The following SACM1L variants were observed in gnomAD, a reference collection of about 807,000 sequenced individuals.
SACM1L encodes SAC1 like phosphatidylinositide phosphatase.
In SACM1L, 32 loss-of-function variants were observed where a neutral mutation model predicts 89.5. The observed-to-expected ratio is 0.36, with a 90% CI of 0.27 to 0.48. SACM1L has a LOEUF of 0.48. SACM1L is among the 20% of genes least tolerant of loss of function. The pLI is 0.99. For missense variants in SACM1L, 543 were observed against 708.5 expected (o/e 0.77, Z 2.65); for synonymous variants, 213 against 232.8 (o/e 0.92, Z 0.77).
At chr3:45,711,505 G>T (rs1456791912) in intron 5 of SACM1L, among the ~76,000 whole-genome samples, 1 of 151,970 alleles carries the variant, frequency 6.6e-6, no homozygotes, top group Non-Finnish European at 1.5e-5. Flanking sequence ...GCACGCACCT[G>T]CAATCCCAGC....
chr3:45,742,475 T>C (rs955131633), intron 19 of SACM1L, among the ~76,000 whole-genome samples: 3 of 152,194 alleles, frequency 2.0e-5, no homozygotes, highest in Non-Finnish European at 2.9e-5. Context: ...TGGCTGTCAT[T>C]CCCTGTATGT....
chr3:45,690,984 G>A (rs933453730), intron 1 of SACM1L, among the ~76,000 whole-genome samples: 1 of 152,192 alleles, frequency 6.6e-6, no homozygotes, highest in Non-Finnish European at 1.5e-5. Flanking sequence ...AGATTGAATA[G>A]GATGGAGAAC....
chr3:45,705,875 A>G (rs1387656320), intron 3 of SACM1L, among the ~76,000 whole-genome samples: 1 of 152,228 alleles, frequency 6.6e-6, no homozygotes, highest in Non-Finnish European at 1.5e-5. Flanking sequence ...AATAGGACAT[A>G]GTGCATATTA....
intron 14 of SACM1L, among the ~76,000 whole-genome samples, chr3:45,735,814 T>G (rs1178861819): frequency 6.6e-6 from 1 of 152,238 alleles, no homozygotes; most frequent in Non-Finnish European, 1.5e-5. Context: ...ACACCAATAA[T>G]GAATCAGTAA....
rs1264139720 is a variant in SACM1L, at chr3:45,705,198, A to G, written c.194A>G (p.His65Arg). Residue 65 changes from histidine (H) to arginine (R), a missense_variant, in exon 3 of 20, where the codon CAT (histidine) becomes CGT (arginine). Around this residue, in one of 2 missense-constraint regions of SACM1L, gnomAD observed 173 missense variants for 180.9 expected, o/e 0.96. Transcript: ENST00000389061. ...ATATTTGGTATACTGGGCACAATCC[A>G]TCTGGTGGCAGGTAAGAGAAAATAA... The part of the protein sequence containing the change: ...RPIFGILGTI[H>R]LVAGNYLIVI... 6 of 1,606,840 alleles carry G rather than the reference A, an allele frequency of 3.7e-6. No homozygotes were observed. The African/African-American group carries it at 5.4e-5, about 14-fold the overall frequency.
intron 7 of SACM1L, among the ~76,000 whole-genome samples, chr3:45,715,773 CA>C (rs35433679): frequency 0.64 from 84,873 of 132,130 alleles, 25,597 homozygotes; most frequent in Middle Eastern, 0.68. Flanking sequence ...GACTCCATCT[CA>C]AAAAAAAAAA....
intron 19 of SACM1L, among the ~76,000 whole-genome samples, chr3:45,740,893 A>T (rs1364369397): frequency 6.6e-6 from 1 of 152,222 alleles, no homozygotes; most frequent in Non-Finnish European, 1.5e-5. Flanking sequence ...TTATCATTAC[A>T]TTTTAAAGGT....
intron 19 of SACM1L, among the ~76,000 whole-genome samples, chr3:45,741,893 G>A (rs1699324038): frequency 6.6e-6 from 1 of 152,154 alleles, no homozygotes; most frequent in African/African-American, 2.4e-5. Context: ...ATGACTGCAG[G>A]TTTTAGGGCA....
At chr3:45,732,014 G>C in intron 12 of SACM1L, 39 bp from the exon 13 acceptor site, 1 of 1,195,044 alleles carries the variant, frequency 8.4e-7, no homozygotes. Context: ...GAAAATGAAT[G>C]ATCTCTGGTC....
chr3:45,689,959 C>T (rs2742417), intron 1 of SACM1L: 80,069 of 167,192 alleles, frequency 0.48, 19,752 homozygotes, highest in Middle Eastern at 0.56. Context: ...TATCTGGGTA[C>T]CGAAGCCTGC....
At position 45,739,719 on chromosome 3, in the gene SACM1L, TCA is replaced by T. The variant is rs1699276204; in HGVS notation, c.1627+77_1627+78del. On this transcript the variant is annotated intron_variant, in intron 19 of 19. Coordinates refer to ENST00000389061, the MANE Select transcript of SACM1L (RefSeq NM_014016.5). ...TTTACAACATCTTAAGTTTTTGAGTTCACCGAACACTTGATGTTTCCCTATTA... is the reference window on the plus strand; with the variant it reads ...TTTACAACATCTTAAGTTTTTGAGTTCCGAACACTTGATGTTTCCCTATTA... 3 of 1,327,680 alleles carry T rather than the reference TCA, an allele frequency of 2.3e-6. No homozygotes were observed. In the Admixed American group the frequency reaches 5.1e-5, roughly 22 times the overall value. The allele number at this position is 1,327,680 out of a possible 1,614,324, so 82.2% of individuals were successfully genotyped here.
chr3:45,726,495 G>A (rs1319901162), intron 11 of SACM1L, among the ~76,000 whole-genome samples: 3 of 151,910 alleles, frequency 2.0e-5, no homozygotes, highest in African/African-American at 7.3e-5. Flanking sequence ...CTACTTGTTG[G>A]CATACAGTTG....
At position 45,722,955 on chromosome 3, in the gene SACM1L, C is replaced by T. The variant is rs1190943643; in HGVS notation, c.852C>T (p.His284=). The T allele has an allele frequency of 8.7e-6, 14 of 1,610,708 alleles. No individual in the cohort carries two copies. The highest frequency in any genetic ancestry group is 2.2e-5 in the South Asian group (2 of 90,844). The change falls in exon 10 of 20, where the codon CAC becomes CAT. Residue 284 remains histidine, a splice_region_variant and synonymous_variant. Transcript: ENST00000389061. ...CACAGATCAGCAAAGTAGCAAATCACGTGTGTATCTTGCATGCCTTTTTTG... is the reference window on the plus strand; with the variant it reads ...CACAGATCAGCAAAGTAGCAAATCATGTGTGTATCTTGCATGCCTTTTTTG... ...PLPQISKVAN[H]MDGFQRHFDS...
intron 3 of SACM1L, among the ~76,000 whole-genome samples, chr3:45,706,249 T>C (rs1698388814): frequency 6.6e-6 from 1 of 152,200 alleles, no homozygotes; most frequent in Non-Finnish European, 1.5e-5. Flanking sequence ...TTGTGCATGA[T>C]GTTGTGATGA....
intron 13 of SACM1L, among the ~76,000 whole-genome samples, chr3:45,732,669 T>G (rs1049684443): frequency 2.0e-5 from 3 of 152,244 alleles, no homozygotes; most frequent in African/African-American, 7.2e-5. Flanking sequence ...CTGTTAAATT[T>G]ATTTCTTTAA....
intron 1 of SACM1L, among the ~76,000 whole-genome samples, chr3:45,696,339 A>G (rs1231825294): frequency 1.3e-5 from 2 of 152,110 alleles, no homozygotes; most frequent in South Asian, 2.1e-4. Flanking sequence ...CATTATATGT[A>G]TGTACCACAT....
intron 1 of SACM1L, among the ~76,000 whole-genome samples, chr3:45,695,997 CTTTTTTTT>C (rs56074379): frequency 8.9e-5 from 12 of 134,232 alleles, no homozygotes; most frequent in Non-Finnish European, 1.8e-4. Context: ...TCAGAATTTC[CTTTTTTTT>C]TTTTTTTTTT....
chr3:45,719,069 T>A (rs984942573), intron 7 of SACM1L, among the ~76,000 whole-genome samples: 3 of 152,196 alleles, frequency 2.0e-5, no homozygotes, highest in Non-Finnish European at 4.4e-5. Context: ...TATAATTATG[T>A]GTCATGCATT....
chr3:45,726,818 T>C (rs1026511533), intron 11 of SACM1L, among the ~76,000 whole-genome samples: 1 of 152,088 alleles, frequency 6.6e-6, no homozygotes, highest in African/African-American at 2.4e-5. Context: ...TCTTTTTTAA[T>C]GTGTGCATTT....
Sources: allele counts gnomAD v4.1 joint callset (sites outside exome capture counted in the v4.1 genomes callset), GRCh38; gene constraint gnomAD v4.1.1; regional missense constraint gnomAD v4.1.1; transcripts MANE v1.5; gene names NCBI Gene and HGNC (gene_info 2026-07-23, HGNC 2026-07-21).